PIBF1: variants seen among roughly 807,000 people sequenced by gnomAD.
PIBF1 encodes progesterone-induced-blocking factor 1.
PIBF1 carries 90 observed loss-of-function variants against 112.5 expected under a neutral mutation model. That is an observed-to-expected ratio of 0.80 (90% CI 0.67 to 0.95). The LOEUF is 0.95. Among genes scored for constraint, PIBF1 ranks in the 40% least tolerant of loss-of-function variants. The pLI, the probability that PIBF1 is intolerant of heterozygous loss-of-function variation, is 0.00. For synonymous variants in PIBF1, 301 were observed against 288.6 expected (o/e 1.04, Z -0.44); for missense variants, 915 against 852.3 (o/e 1.07, Z -0.92).
intron 5 of PIBF1, among the ~76,000 whole-genome samples, chr13:72,801,964 A>C (rs547540670): frequency 6.6e-6 from 1 of 152,152 alleles, no homozygotes; most frequent in Admixed American, 6.6e-5. Flanking sequence ...GAGCATCCAT[A>C]ATACAGTACA....
intron 14 of PIBF1, among the ~76,000 whole-genome samples, chr13:72,937,377 T>G (rs991459545): frequency 3.9e-5 from 6 of 152,312 alleles, no homozygotes; most frequent in African/African-American, 1.2e-4. Context: ...ACCATGTAGC[T>G]CCAAGTGATA....
intron 5 of PIBF1, among the ~76,000 whole-genome samples, chr13:72,816,527 G>T (rs2036282187): frequency 6.6e-6 from 1 of 151,910 alleles, no homozygotes; most frequent in Non-Finnish European, 1.5e-5. Flanking sequence ...ACTGAGCATG[G>T]TGGCATGCCT....
At chr13:72,869,029 T>C (rs971954627) in intron 10 of PIBF1, among the ~76,000 whole-genome samples, 1 of 152,086 alleles carries the variant, frequency 6.6e-6, no homozygotes, top group Admixed American at 6.6e-5. Context: ...GACTGTAAAC[T>C]AGTTCAACCA....
At chr13:72,935,852 C>T (rs2041856490) in intron 14 of PIBF1, among the ~76,000 whole-genome samples, 1 of 151,994 alleles carries the variant, frequency 6.6e-6, no homozygotes, top group Non-Finnish European at 1.5e-5. Context: ...AGTGTCTCCT[C>T]ACATTTTTTG....
intron 16 of PIBF1, among the ~76,000 whole-genome samples, chr13:72,989,457 T>A (rs1594325936): frequency 6.6e-6 from 1 of 152,136 alleles, no homozygotes; most frequent in Non-Finnish European, 1.5e-5. Flanking sequence ...AACATTATAC[T>A]AAGTGAAAGA....
At chr13:73,000,607 C>T (rs1047607269) in intron 17 of PIBF1, among the ~76,000 whole-genome samples, 4 of 152,168 alleles carry the variant, frequency 2.6e-5, no homozygotes, top group Non-Finnish European at 5.9e-5. Context: ...TGAATACATA[C>T]ACATTAATGG....
intron 9 of PIBF1, among the ~76,000 whole-genome samples, chr13:72,842,037 T>C (rs1197754729): frequency 6.6e-6 from 1 of 152,202 alleles, no homozygotes; most frequent in Non-Finnish European, 1.5e-5. Flanking sequence ...TATTCTTAAG[T>C]GTTTATCTCC....
At chr13:72,891,088 G>A (rs1355746248) in intron 10 of PIBF1, among the ~76,000 whole-genome samples, 1 of 151,988 alleles carries the variant, frequency 6.6e-6, no homozygotes, top group Non-Finnish European at 1.5e-5. Context: ...TATTCTACAT[G>A]TCTAAATATT....
chr13:72,928,048 T>TATATATATATATATACAC (rs2041586591), intron 13 of PIBF1, among the ~76,000 whole-genome samples: 1 of 142,754 alleles, frequency 7.0e-6, no homozygotes, highest in Non-Finnish European at 1.5e-5. Flanking sequence ...TATATATACA[T>TATATATATATATATACAC]ATATATATGA....
At position 72,798,016 on chromosome 13, in the gene PIBF1, A is replaced by G. The variant is rs1215253726; in HGVS notation, c.662A>G (p.Gln221Arg). Residue 221 changes from glutamine to arginine, a missense_variant, in exon 5 of 18, where the codon CAG becomes CGG. Coordinates refer to ENST00000326291, the MANE Select transcript of PIBF1 (RefSeq NM_006346.4). The stretch of plus-strand genomic sequence containing the variant: ...AGTACAAACAAAAACCAACTGAAGC[A>G]GCTGACAGAGGTTTGTATGGTTTTG... Reference protein sequence around the residue: ...ELSTNKNQLKQLTETYEEDRK... With the variant: ...ELSTNKNQLKRLTETYEEDRK... The G allele has an allele frequency of 1.2e-6, 2 of 1,603,640 alleles. No homozygotes were observed. The highest frequency in any genetic ancestry group is 1.7e-6 in the Non-Finnish European group (2 of 1,176,640).
intron 8 of PIBF1, 98 bp from the exon 9 acceptor site, chr13:72,835,145 G>T: frequency 1.3e-6 from 1 of 750,856 alleles, no homozygotes; most frequent in Non-Finnish European, 2.0e-6. Flanking sequence ...ACAGTTTATA[G>T]AGCATACTTG....
At chr13:72,987,843 TTTA>T (rs1566522021) in intron 16 of PIBF1, among the ~76,000 whole-genome samples, 4 of 86,750 alleles carry the variant, frequency 4.6e-5, no homozygotes, top group African/African-American at 1.5e-4. Flanking sequence ...TTGTAATTTA[TTTA>T]TTTATTTATT....
At chr13:72,964,425 T>A (rs2042685646) in intron 14 of PIBF1, among the ~76,000 whole-genome samples, 1 of 152,198 alleles carries the variant, frequency 6.6e-6, no homozygotes, top group South Asian at 2.1e-4. Context: ...CTATTCAACA[T>A]TATGAATGTA....
At chr13:72,817,739 G>A (rs1452141308) in intron 5 of PIBF1, among the ~76,000 whole-genome samples, 3 of 152,116 alleles carry the variant, frequency 2.0e-5, no homozygotes. Context: ...AGACATGGAA[G>A]GATGCAGAGG....
chr13:72,782,250 C>T lies in PIBF1; in HGVS notation c.-147C>T, dbSNP rs188099030. The T allele has an allele frequency of 2.7e-4, 48 of 176,316 alleles. No homozygotes were observed. Among genetic ancestry groups the T allele is most frequent in the Non-Finnish European group, 4.9e-4 (41 of 83,186 alleles). The allele number at this position is 176,316 out of a possible 1,614,324, so 10.9% of individuals were successfully genotyped here. On this transcript the variant is annotated 5_prime_UTR_variant, in exon 1 of 18. Coordinates refer to ENST00000326291, the MANE Select transcript of PIBF1 (RefSeq NM_006346.4). Reference sequence around the variant, plus strand: ...CTGCCTTGAAATCCCTTGTTGAGGGCCTGCAACCTTGTGCTTCCGACCGGA... The same window carrying T: ...CTGCCTTGAAATCCCTTGTTGAGGGTCTGCAACCTTGTGCTTCCGACCGGA...
chr13:72,973,335 AAAAG>A (rs971895173), intron 15 of PIBF1, among the ~76,000 whole-genome samples: 48 of 151,908 alleles, frequency 3.2e-4, no homozygotes, highest in African/African-American at 1.1e-3. Context: ...AAGAAAAGAA[AAAAG>A]AAAGGAAAAG....
At chr13:72,846,362 A>G (rs2037881242) in intron 9 of PIBF1, among the ~76,000 whole-genome samples, 1 of 152,120 alleles carries the variant, frequency 6.6e-6, no homozygotes, top group Non-Finnish European at 1.5e-5. Context: ...ACCTTGCTTC[A>G]AGTCACCATT....
At chr13:72,859,452 T>C (rs571336639) in intron 10 of PIBF1, among the ~76,000 whole-genome samples, 1 of 152,282 alleles carries the variant, frequency 6.6e-6, no homozygotes, top group South Asian at 2.1e-4. Flanking sequence ...AAAAAATGGG[T>C]ATATGGTACT....
chr13:72,987,684 G>GT (rs35607617), intron 16 of PIBF1, among the ~76,000 whole-genome samples: 32,127 of 140,964 alleles, frequency 0.23, 3,683 homozygotes, highest in Middle Eastern at 0.27. Context: ...TTCCTTTGTT[G>GT]TTTTTTTTTT....
Sources: allele counts gnomAD v4.1 joint callset (sites outside exome capture counted in the v4.1 genomes callset), GRCh38; gene constraint gnomAD v4.1.1; transcripts MANE v1.5; gene names NCBI Gene and HGNC (gene_info 2026-07-23, HGNC 2026-07-21).